The following SGSM2 variants were observed in gnomAD, a reference collection of about 807,000 sequenced individuals.
SGSM2 encodes small G protein signaling modulator 2.
Under a neutral mutation model 126.6 loss-of-function variants are expected in SGSM2, and 89 were observed. That is an observed-to-expected ratio of 0.70 (90% CI 0.59 to 0.84). The LOEUF is 0.84. SGSM2 is among the 40% of genes least tolerant of loss of function. The pLI is 0.00. For synonymous variants in SGSM2, 614 were observed against 574.3 expected, an observed-to-expected ratio of 1.07 and a Z score of -0.99; for missense variants, 1,404 against 1,416.6, an observed-to-expected ratio of 0.99 and a Z score of 0.14.
intron 2 of SGSM2, among the ~76,000 whole-genome samples, chr17:2,353,638 G>T (rs374913473): frequency 6.6e-6 from 1 of 151,988 alleles, no homozygotes; most frequent in Admixed American, 6.6e-5. Flanking sequence ...GGTAGTGCAC[G>T]CCTGCAGTCC....
chr17:2,348,025 A>G (rs753400897), intron 2 of SGSM2, among the ~76,000 whole-genome samples: 1 of 152,122 alleles, frequency 6.6e-6, no homozygotes, highest in Non-Finnish European at 1.5e-5. Context: ...GTTGCTTCAG[A>G]CTGAGGATGA....
In SGSM2 at chr17:2,380,519, A is replaced by G; in HGVS notation, c.*999A>G. On this transcript the variant is annotated 3_prime_UTR_variant, in exon 24 of 24. Transcript: ENST00000268989. ...TCTGTCCCTGGTGAGAAGCAAGGCT[A>G]GCTCTGCCTTCCACATGCTTCTCAG... The G allele has an allele frequency of 1.7e-6, 1 of 598,534 alleles. No individual in the cohort carries two copies. The highest frequency in any genetic ancestry group is 1.9e-5 in the African/African-American group (1 of 53,976). The allele number at this position is 598,534 out of a possible 1,614,324, so 37.1% of individuals were successfully genotyped here.
At chr17:2,350,727 G>A (rs553396105) in intron 2 of SGSM2, among the ~76,000 whole-genome samples, 1 of 152,324 alleles carries the variant, frequency 6.6e-6, no homozygotes, top group Admixed American at 6.5e-5. Context: ...ACCATCCCTA[G>A]GAACGAGAGG....
chr17:2,364,959 C>T lies in SGSM2; in HGVS notation c.1063C>T (p.Pro355Ser). 6.2e-7 allele frequency: 1 copy of T among 1,613,528 alleles called. No individual in the cohort carries two copies. The highest frequency in any genetic ancestry group is 8.5e-7 in the Non-Finnish European group (1 of 1,180,034). ...CATCCAGAGGCCGCCGCTGCATTTC[C>T]CACAGGGAGGACACCTGCTGTCCTT... is the stretch of plus-strand genomic sequence containing the variant. The part of the protein sequence containing the change: ...DGIQRPPLHF[P>S]QGGHLLSFLS... Residue 355 changes from proline to serine, a missense_variant, in exon 10 of 24, where the codon CCA (proline) becomes TCA (serine). By Grantham distance (74) the Pro-to-Ser change is moderately conservative. Coordinates refer to ENST00000268989, the MANE Select transcript of SGSM2 (RefSeq NM_014853.3).
chr17:2,364,040 C>CCGGTG lies in SGSM2; in HGVS notation c.808-18_808-14dup, dbSNP rs1176048818. 1.9e-6 allele frequency: 3 copies of CCGGTG among 1,613,822 alleles called. No homozygotes were observed. The highest frequency in any genetic ancestry group is 2.5e-6 in the Non-Finnish European group (3 of 1,179,990). On this transcript the variant is annotated intron_variant, in intron 7 of 23. Transcript: ENST00000268989. ...CTCTCAGCCCTTCATCGTCGGTCTT[C>CCGGTG]CGGTGTCTCCCGCTGTAGAAGGAGG...
At chr17:2,338,445 G>T (rs1044501977) in intron 1 of SGSM2, among the ~76,000 whole-genome samples, 92 of 152,236 alleles carry the variant, frequency 6.0e-4, no homozygotes, top group African/African-American at 2.1e-3. Context: ...ATTTCGGGTG[G>T]GGGGCAGTGA....
chr17:2,361,868 G>A (rs1369826524), intron 3 of SGSM2, 69 bp downstream of exon 3: 4 of 1,518,070 alleles, frequency 2.6e-6, no homozygotes, highest in East Asian at 2.3e-5. Flanking sequence ...TACTTCCTAG[G>A]ACACCCATCG....
At chr17:2,338,797 G>A (rs2064211170) in intron 1 of SGSM2, among the ~76,000 whole-genome samples, 1 of 83,850 alleles carries the variant, frequency 1.2e-5, no homozygotes, top group Non-Finnish European at 2.4e-5. Flanking sequence ...ATAACCTCAC[G>A]CCTGTAATCC....
chr17:2,361,826 C>T, intron 3 of SGSM2, 27 bp downstream of exon 3: 2 of 1,568,550 alleles, frequency 1.3e-6, no homozygotes, highest in South Asian at 2.4e-5. Flanking sequence ...CCCCTTCTTC[C>T]CTCCTTTCAG....
At chr17:2,343,429 G>A (rs757601169) in intron 1 of SGSM2, 116 bp from the exon 2 acceptor site, 3 of 924,302 alleles carry the variant, frequency 3.2e-6, no homozygotes, top group African/African-American at 3.2e-5. Context: ...TGTCATCTCT[G>A]CAAGTGTCTG....
Position 2,363,697 on chromosome 17 carries a change from C to CAG in SGSM2, c.807+102_807+103dup. On this transcript the variant is annotated intron_variant, in intron 7 of 23. Transcript: ENST00000268989. The surrounding 1 kb of genome is among the most constrained non-coding windows in gnomAD (Gnocchi z 4.2). ...CTATTCCTTTCCTGAGGAGCTTGAC[C>CAG]AGAGACGGGGGGGAGAATGGCCCCA... The CAG allele has an allele frequency of 3.3e-6, 5 of 1,501,748 alleles. No individual in the cohort carries two copies. Among genetic ancestry groups the CAG allele is most frequent in the Non-Finnish European group, 4.5e-6 (5 of 1,111,914 alleles). The allele number at this position is 1,501,748 out of a possible 1,614,324, so 93.0% of individuals were successfully genotyped here. A position where few individuals can be genotyped will look rare whatever the true frequency, so the allele number is the denominator to read the frequency against.
rs187974747 is a variant in SGSM2, at chr17:2,380,088, G to A, written c.*568G>A. ...CGGGCCGCCTTCAGGCCGCTCCCCC[G>A]AGATTCTGGGGCAGTCGGAAGATGT... On this transcript the variant is annotated 3_prime_UTR_variant, in exon 24 of 24. Transcript: ENST00000268989. 245 of 1,401,696 alleles carry A rather than the reference G, an allele frequency of 1.7e-4. No homozygotes were observed. Among genetic ancestry groups the A allele is most frequent in the Non-Finnish European group, 2.1e-4 (224 of 1,081,720 alleles). 86.8% of individuals were successfully genotyped at this position (1,401,696 alleles called of 1,614,324 possible).
At position 2,372,987 on chromosome 17, in the gene SGSM2, A is replaced by G. The variant is rs2065947470; in HGVS notation, c.1823A>G (p.Tyr608Cys). Residue 608 changes from tyrosine to cysteine, a missense_variant, in exon 16 of 24, where the codon TAC (tyrosine) becomes TGC (cysteine). Physicochemically the swap from Tyr to Cys is radical, Grantham distance 194. Coordinates refer to ENST00000268989, the MANE Select transcript of SGSM2 (RefSeq NM_014853.3). The surrounding 1 kb of genome is among the most constrained non-coding windows in gnomAD (Gnocchi z 6.0). ...GAGCTGGAGCTGCTGCGGCAAGTTT[A>G]CTACGGAGGCATAGAGCACGAGATC... ...YKELELLRQV[Y>C]YGGIEHEIRK... is the part of the protein sequence containing the mutation. 1 of 1,583,582 alleles carries G rather than the reference A, an allele frequency of 6.3e-7. No individual in the cohort carries two copies. The highest frequency in any genetic ancestry group is 1.3e-5 in the African/African-American group (1 of 74,380).
chr17:2,376,518 C>G lies in SGSM2; in HGVS notation c.2610-215C>G. ...CCGCACCCCCGCCCCACATACCAAGCGTGACGGCCTTGGCTCTCCCTAAGT... is the reference window on the plus strand; with the variant it reads ...CCGCACCCCCGCCCCACATACCAAGGGTGACGGCCTTGGCTCTCCCTAAGT... On this transcript the variant is annotated intron_variant, in intron 19 of 23. Coordinates refer to ENST00000268989, the MANE Select transcript of SGSM2 (RefSeq NM_014853.3). The G allele has an allele frequency of 3.0e-6, 2 of 670,412 alleles. No homozygotes were observed. Among genetic ancestry groups the G allele is most frequent in the Non-Finnish European group, 5.0e-6 (2 of 396,102 alleles). The allele number at this position is 670,412 out of a possible 1,614,324, so 41.5% of individuals were successfully genotyped here.
At chr17:2,348,151 C>T (rs1056192345) in intron 2 of SGSM2, among the ~76,000 whole-genome samples, 2 of 152,214 alleles carry the variant, frequency 1.3e-5, no homozygotes, top group Non-Finnish European at 2.9e-5. Context: ...CTGCAGTGAG[C>T]TCCTTCAGGG....
Position 2,373,383 on chromosome 17 carries a change from C to T in SGSM2, c.1970C>T (p.Ala657Val), listed in dbSNP as rs201632177. 11 of 1,612,956 alleles carry T rather than the reference C, an allele frequency of 6.8e-6. No individual in the cohort carries two copies. In the East Asian group the frequency reaches 1.3e-4, roughly 20 times the overall value. ...CAGCAGGTGTTGGCAGAGTGGAAGG[C>T]CTGCGAGGTGGTGGTGAGGCAGCGG... ...RYQQVLAEWK[A>V]CEVVVRQRER... Residue 657 changes from alanine to valine, a missense_variant, in exon 17 of 24, where the codon GCC becomes GTC. By Grantham distance (64) the Ala-to-Val change is moderately conservative. Transcript: ENST00000268989.
chr17:2,343,595 C>T lies in SGSM2; in HGVS notation c.108C>T (p.Asp36=), dbSNP rs2064468538. 5 of 1,614,026 alleles carry T rather than the reference C, an allele frequency of 3.1e-6. No individual in the cohort carries two copies. Among genetic ancestry groups the T allele is most frequent in the Non-Finnish European group, 4.2e-6 (5 of 1,180,028 alleles). Residue 36 remains aspartate (D), a synonymous_variant, in exon 2 of 24, where the codon GAC becomes GAT. Transcript: ENST00000268989. The part of the protein sequence containing the change: ...EAVTRKFVHE[D]SSHIIALCGA... ...TCACCAGGAAGTTTGTGCATGAAGA[C>T]AGCAGCCACATCATTGCTTTATGTG...
chr17:2,365,284 G>C lies in SGSM2; in HGVS notation c.1231G>C (p.Gly411Arg). 6.3e-7 allele frequency: 1 copy of C among 1,598,104 alleles called. No individual in the cohort carries two copies. Among genetic ancestry groups the C allele is most frequent in the Non-Finnish European group, 8.5e-7 (1 of 1,172,384 alleles). ...RSVDMEEMGT[G>R]RATDYVFRII... is the part of the protein sequence containing the mutation. ...CGTGGATATGGAGGAGATGGGCACG[G>C]GGCGGGCCACCGACTATGTGTTCCG... The change falls in exon 11 of 24, where the codon GGG (glycine) becomes CGG (arginine). Residue 411 changes from glycine to arginine, a missense_variant. Coordinates refer to ENST00000268989, the MANE Select transcript of SGSM2 (RefSeq NM_014853.3).
At chr17:2,368,811 T>C (rs2065719865) in intron 12 of SGSM2, among the ~76,000 whole-genome samples, 1 of 152,240 alleles carries the variant, frequency 6.6e-6, no homozygotes, top group South Asian at 2.1e-4. Flanking sequence ...GTGAACTGAC[T>C]GAGCAGTGTG....
Sources: allele counts gnomAD v4.1 joint callset (sites outside exome capture counted in the v4.1 genomes callset), GRCh38; gene constraint gnomAD v4.1.1; non-coding constraint Gnocchi (gnomAD v3.1); transcripts MANE v1.5; gene names NCBI Gene and HGNC (gene_info 2026-07-23, HGNC 2026-07-21).